Variants in LCORL observed in about 807,000 individuals in gnomAD.
LCORL encodes the protein ligand-dependent nuclear receptor corepressor-like protein.
LCORL carries 41 observed loss-of-function variants against 141.8 expected under a neutral mutation model. The ratio of observed to expected loss-of-function variants is 0.29; its 90% confidence interval spans 0.23 to 0.38. LCORL has a LOEUF of 0.38. Ranked by LOEUF, LCORL falls within the 10% of genes least tolerant of loss-of-function variation. LCORL has a pLI of 1.00. For missense variants in LCORL, 1,759 were observed against 2,035.0 expected, an observed-to-expected ratio of 0.86 and a Z score of 2.61; for synonymous variants, 618 against 694.1, an observed-to-expected ratio of 0.89 and a Z score of 1.72.
At chr4:17,939,322 A>G (rs1199313384) in intron 4 of LCORL, among the ~76,000 whole-genome samples, 1 of 152,220 alleles carries the variant, frequency 6.6e-6, no homozygotes, top group Admixed American at 6.5e-5. Context: ...ACATATTGCT[A>G]GTAAGACTCA....
intron 7 of LCORL, among the ~76,000 whole-genome samples, chr4:17,851,226 T>C (rs1011156022): frequency 1.3e-5 from 2 of 151,522 alleles, no homozygotes; most frequent in African/African-American, 4.9e-5. Flanking sequence ...CATGTATACA[T>C]ATGTAAGAAA....
In LCORL at chr4:17,845,714, C is replaced by A. The variant is rs562871151; in HGVS notation, c.*174G>T. On this transcript the variant is annotated 3_prime_UTR_variant, in exon 8 of 8. Coordinates refer to ENST00000635767, the Ensembl canonical transcript of LCORL. ...CAAAATAAAGATAGTGCAAGAAGAA[C>A]TGCAATCTATTTCTCTTCGCTTTTG... is the stretch of plus-strand genomic sequence containing the variant. 5 of 1,595,920 alleles carry A rather than the reference C, an allele frequency of 3.1e-6. No homozygotes were observed. The South Asian group carries it at 5.7e-5, about 18-fold the overall frequency.
At chr4:17,915,582 T>A (rs1486676024) in intron 4 of LCORL, among the ~76,000 whole-genome samples, 3 of 152,198 alleles carry the variant, frequency 2.0e-5, no homozygotes, top group Non-Finnish European at 4.4e-5. Context: ...CTGAAGTAAC[T>A]TCAATAAGCT....
At chr4:17,909,424 A>T (rs1166878320) in intron 4 of LCORL, 79 bp from the exon 5 acceptor site, 6 of 1,058,046 alleles carry the variant, frequency 5.7e-6, no homozygotes, top group Non-Finnish European at 8.0e-6. Context: ...TTTTATTACA[A>T]ATTAATGACT....
exon 8 of LCORL, chr4:17,843,149 G>T: frequency 5.4e-6 from 4 of 740,140 alleles, no homozygotes; most frequent in East Asian, 2.9e-5. Flanking sequence ...GTGTTTTTTT[G>T]ACATTGAGAT....
exon 7 of LCORL, chr4:17,874,409 T>G: frequency 8.1e-7 from 1 of 1,233,878 alleles, no homozygotes; most frequent in Non-Finnish European, 1.0e-6. Context: ...CCAAAGGGTT[T>G]CGGGCATTTG....
chr4:17,900,606 C>T (rs1287034093), intron 5 of LCORL, among the ~76,000 whole-genome samples: 6 of 152,030 alleles, frequency 3.9e-5, no homozygotes, highest in Non-Finnish European at 8.8e-5. Flanking sequence ...GAAAAAGTAA[C>T]AATTAACTTC....
rs116171470 is a variant in LCORL at position 17,866,947 on chromosome 4, T to C, written c.5602+6441A>G. The C allele has an allele frequency of 5.2e-3, 5,099 of 980,144 alleles. 23 individuals carry two copies. Among genetic ancestry groups the C allele is most frequent in the Non-Finnish European group, 5.9e-3 (4,841 of 825,104 alleles). 60.7% of individuals were successfully genotyped at this position (980,144 alleles called of 1,614,324 possible). A position where few individuals can be genotyped will look rare whatever the true frequency, so the allele number is the denominator to read the frequency against. On this transcript the variant is annotated intron_variant, in intron 7 of 7. Transcript: ENST00000635767. The stretch of plus-strand genomic sequence containing the variant: ...TGAGGCATTGAAACCAATCTCCTTC[T>C]AGCAGGTGGTAGCAGCTGGTTAAAG...
At chr4:17,923,309 G>C (rs1734589918) in intron 4 of LCORL, among the ~76,000 whole-genome samples, 1 of 152,198 alleles carries the variant, frequency 6.6e-6, no homozygotes, top group Non-Finnish European at 1.5e-5. Context: ...GTTAAAAAAG[G>C]TTCTAATAGT....
chr4:17,880,683 GC>G, intron 6 of LCORL: 13 of 979,008 alleles, frequency 1.3e-5, no homozygotes, highest in Non-Finnish European at 1.6e-5. Flanking sequence ...AAGTGCAAAA[GC>G]ATTGAAGTGC....
intron 2 of LCORL, among the ~76,000 whole-genome samples, chr4:17,966,221 T>C (rs528377985): frequency 6.2e-4 from 94 of 152,136 alleles, no homozygotes; most frequent in African/African-American, 2.2e-3. Flanking sequence ...AGCTGGTTCA[T>C]TGGGGAAAAA....
At chr4:17,972,865 C>A in exon 2 of LCORL, 1 of 1,433,924 alleles carries the variant, frequency 7.0e-7, no homozygotes, top group Non-Finnish European at 9.2e-7. Flanking sequence ...CCATAAAGCC[C>A]TTCTAAAATA....
chr4:17,971,986 A>T (rs991913183), intron 2 of LCORL, among the ~76,000 whole-genome samples: 6 of 151,798 alleles, frequency 4.0e-5, no homozygotes, highest in African/African-American at 7.2e-5. Context: ...AGTTAAAAAA[A>T]TTTTTTTAAT....
At position 17,880,598 on chromosome 4, in the gene LCORL, G is replaced by GT. The variant is rs912095211; in HGVS notation, c.777-2386dup. 5 of 973,186 alleles carry GT rather than the reference G, an allele frequency of 5.1e-6. No individual in the cohort carries two copies. The East Asian group carries it at 3.4e-4, about 67-fold the overall frequency. The allele number at this position is 973,186 out of a possible 1,614,324, so 60.3% of individuals were successfully genotyped here. On this transcript the variant is annotated intron_variant, in intron 6 of 7. Coordinates refer to ENST00000635767, the Ensembl canonical transcript of LCORL. ...TAAATCAAACAAGTCAGTGTAGTCA[G>GT]TTTTTTTCTTTTCTTTTCTTTTTTT... is the stretch of plus-strand genomic sequence containing the variant.
chr4:18,009,298 G>A (rs192689712), intron 1 of LCORL, among the ~76,000 whole-genome samples: 2 of 149,252 alleles, frequency 1.3e-5, no homozygotes, highest in African/African-American at 4.9e-5. Context: ...CTTCATGTAC[G>A]TAACCAATCT....
In LCORL at chr4:17,925,878, CAAAA is replaced by C. The variant is rs71167343; in HGVS notation, c.431-16537_431-16534del. On this transcript the variant is annotated intron_variant, in intron 4 of 7. Coordinates refer to ENST00000635767, the Ensembl canonical transcript of LCORL. ...AGAGTGACAGAGTGAGATTCCATCT[CAAAA>C]AAAAAAAAAAAAAAAAAAAAAAAGA... is the stretch of plus-strand genomic sequence containing the variant. Among the ~76,000 whole-genome samples, 555 of 96,418 alleles carry C rather than the reference CAAAA, an allele frequency of 5.8e-3. 2 individuals carry two copies. The highest frequency in any genetic ancestry group is 0.028 in the African/African-American group (518 of 18,412). 63.3% of individuals were successfully genotyped at this position (96,418 alleles called of 152,430 possible).
chr4:18,021,513 A>T lies in LCORL; in HGVS notation c.154+85T>A, dbSNP rs902353186. 6 of 1,226,242 alleles carry T rather than the reference A, an allele frequency of 4.9e-6. No individual in the cohort carries two copies. The African/African-American group carries it at 9.7e-5, about 20-fold the overall frequency. The allele number at this position is 1,226,242 out of a possible 1,614,324, so 76.0% of individuals were successfully genotyped here. ...CCGAACTAACCCGAACGGGAGATTC[A>T]ACTAAACCCCTCAGCCACAAACTCC... On this transcript the variant is annotated intron_variant, in intron 1 of 7. Coordinates refer to ENST00000635767, the Ensembl canonical transcript of LCORL. This position sits in a 1 kb window ranked among gnomAD's most constrained non-coding sequence, Gnocchi z 5.5.
intron 4 of LCORL, among the ~76,000 whole-genome samples, chr4:17,916,502 T>C (rs1327067000): frequency 1.3e-5 from 2 of 152,080 alleles, no homozygotes; most frequent in African/African-American, 4.8e-5. Flanking sequence ...TCTTTTGCCA[T>C]GTGATGTGCT....
chr4:17,876,854 C>T, exon 7 of LCORL: 2 of 1,230,652 alleles, frequency 1.6e-6, no homozygotes, highest in Non-Finnish European at 2.0e-6. Context: ...CATTAAAAGA[C>T]AAGTTAGTTT....
Sources: gnomAD v4.1 joint callset for allele counts (sites outside exome capture counted in the v4.1 genomes callset) on GRCh38, gnomAD v4.1.1 for gene constraint, Gnocchi (gnomAD v3.1) non-coding constraint, MANE v1.5 for transcripts, NCBI Gene and HGNC (gene_info 2026-07-23, HGNC 2026-07-21) for gene names.